TTC6: variants seen among roughly 807,000 people sequenced by gnomAD.
TTC6 encodes the protein tetratricopeptide repeat protein 6.
In TTC6, 172 loss-of-function variants were observed where a neutral mutation model predicts 210.4. The observed-to-expected ratio is 0.82, with a 90% CI of 0.72 to 0.93. The LOEUF (loss-of-function observed/expected upper bound fraction) is 0.93, where lower values mean the gene tolerates loss of function less well. Among genes scored for constraint, TTC6 ranks in the 40% least tolerant of loss-of-function variants. The pLI, the probability that TTC6 is intolerant of heterozygous loss-of-function variation, is 0.00. For missense variants in TTC6, 2,414 were observed against 2,318.1 expected, an observed-to-expected ratio of 1.04 and a Z score of -0.85; for synonymous variants, 804 against 819.6, an observed-to-expected ratio of 0.98 and a Z score of 0.32.
intron 15 of TTC6, among the ~76,000 whole-genome samples, chr14:37,789,557 T>C (rs1477476618): frequency 6.7e-6 from 1 of 148,744 alleles, no homozygotes; most frequent in African/African-American, 2.5e-5. Flanking sequence ...GGGGAAACGA[T>C]TGATATTCAT....
intron 16 of TTC6, 141 bp downstream of exon 18, chr14:37,790,978 A>T: frequency 1.4e-6 from 1 of 704,036 alleles, no homozygotes; most frequent in Non-Finnish European, 2.2e-6. Flanking sequence ...GAATTAGAAT[A>T]CTACTTCTAA....
At chr14:37,787,376 G>C in intron 14 of TTC6, 92 bp from the exon 17 acceptor site, 1 of 913,346 alleles carries the variant, frequency 1.1e-6, no homozygotes, top group Non-Finnish European at 1.5e-6. Flanking sequence ...TTTACAAATT[G>C]TTATTCAAAT....
intron 2 of TTC6, among the ~76,000 whole-genome samples, chr14:37,616,667 A>C (rs578180149): frequency 6.6e-6 from 1 of 150,516 alleles, no homozygotes; most frequent in African/African-American, 2.4e-5. Context: ...ACTGCACTCC[A>C]GCCTGGGCGA....
At chr14:37,614,436 C>T (rs1167770859) in intron 2 of TTC6, among the ~76,000 whole-genome samples, 3 of 152,260 alleles carry the variant, frequency 2.0e-5, no homozygotes, top group Non-Finnish European at 4.4e-5. Context: ...ACATAAACAT[C>T]CCACAACACA....
chr14:37,738,356 T>A (rs2095907704), intron 9 of TTC6, among the ~76,000 whole-genome samples: 1 of 151,924 alleles, frequency 6.6e-6, no homozygotes, highest in African/African-American at 2.4e-5. Flanking sequence ...GTTAAAGCGC[T>A]TTTGAAAGAA....
intron 8 of TTC6, among the ~76,000 whole-genome samples, chr14:37,737,439 A>AAAC (rs2095904805): frequency 1.3e-5 from 2 of 151,598 alleles, no homozygotes; most frequent in Admixed American, 1.3e-4. Flanking sequence ...TTTTAAAAAA[A>AAAC]CATAGTTTTT....
intron 17 of TTC6, 73 bp downstream of exon 19, chr14:37,792,487 T>A: frequency 8.1e-7 from 1 of 1,241,172 alleles, no homozygotes; most frequent in Non-Finnish European, 1.1e-6. Context: ...AACATAATTT[T>A]AATATATATA....
At chr14:37,811,898 C>G (rs952856902) in intron 24 of TTC6, among the ~76,000 whole-genome samples, 1 of 152,048 alleles carries the variant, frequency 6.6e-6, no homozygotes, top group Admixed American at 6.6e-5. Context: ...AAACAGTGAA[C>G]AAAATGGATA....
intron 1 of TTC6, among the ~76,000 whole-genome samples, chr14:37,627,572 TGTTA>T (rs1413730141): frequency 6.6e-6 from 1 of 152,072 alleles, no homozygotes; most frequent in Non-Finnish European, 1.5e-5. Flanking sequence ...TCTGTTCATG[TGTTA>T]GTTTGCTGAG....
intron 1 of TTC6, among the ~76,000 whole-genome samples, chr14:37,658,152 T>G (rs1396636189): frequency 6.6e-6 from 1 of 152,222 alleles, no homozygotes; most frequent in Non-Finnish European, 1.5e-5. Context: ...TATTAATGGA[T>G]ATGGAAATTT....
At chr14:37,789,596 TTA>T (rs1283814571) in intron 15 of TTC6, among the ~76,000 whole-genome samples, 57 of 134,492 alleles carry the variant, frequency 4.2e-4, no homozygotes, top group African/African-American at 1.1e-3. Context: ...TGGTTTCCTC[TTA>T]TATATATATA....
At chr14:37,831,033 A>T (rs901649085) in intron 29 of TTC6, among the ~76,000 whole-genome samples, 3 of 152,086 alleles carry the variant, frequency 2.0e-5, no homozygotes, top group African/African-American at 7.2e-5. Context: ...TTTCTTCCAT[A>T]TAACTGTATT....
chr14:37,611,617 T>G (rs2095634682), intron 2 of TTC6, among the ~76,000 whole-genome samples: 1 of 151,084 alleles, frequency 6.6e-6, no homozygotes, highest in African/African-American at 2.4e-5. Context: ...AAGGGAGAGG[T>G]AGGTGCACGA....
chr14:37,607,435 A>G (rs1020430660), intron 2 of TTC6, among the ~76,000 whole-genome samples: 1 of 152,222 alleles, frequency 6.6e-6, no homozygotes, highest in Non-Finnish European at 1.5e-5. Flanking sequence ...GTGACCATCA[A>G]TGAGAATTCT....
At chr14:37,841,041 G>A (rs1321761681) in intron 29 of TTC6, among the ~76,000 whole-genome samples, 1 of 152,040 alleles carries the variant, frequency 6.6e-6, no homozygotes, top group Non-Finnish European at 1.5e-5. Flanking sequence ...GCTAATTTTT[G>A]TATTTTTAGT....
intron 30 of TTC6, 114 bp downstream of exon 32, chr14:37,841,784 T>G (rs535234471): frequency 1.2e-6 from 1 of 866,430 alleles, no homozygotes; most frequent in African/African-American, 1.7e-5. Flanking sequence ...ACATAAGAAT[T>G]AGTGTTTTTA....
chr14:37,756,581 T>C (rs778324607), intron 14 of TTC6, among the ~76,000 whole-genome samples: 26 of 152,328 alleles, frequency 1.7e-4, no homozygotes, highest in Non-Finnish European at 2.9e-4. Flanking sequence ...TATTGAAGGC[T>C]TTTTCTGCAT....
intron 13 of TTC6, 93 bp downstream of exon 15, chr14:37,751,318 G>GTATA: frequency 1.2e-6 from 1 of 863,626 alleles, no homozygotes; most frequent in South Asian, 3.3e-5. Context: ...AGGTCTTTTT[G>GTATA]TATATATTAT....
intron 1 of TTC6, among the ~76,000 whole-genome samples, chr14:37,630,063 TC>T (rs1320142629): frequency 6.6e-6 from 1 of 152,224 alleles, no homozygotes; most frequent in Non-Finnish European, 1.5e-5. Flanking sequence ...GAAGGGTTTT[TC>T]GTGTCTCTGC....
Sources: gnomAD v4.1 joint callset for allele counts (sites outside exome capture counted in the v4.1 genomes callset) on GRCh38, gnomAD v4.1.1 for gene constraint, MANE v1.5 for transcripts, NCBI Gene and HGNC (gene_info 2026-07-23, HGNC 2026-07-21) for gene names.